The following MSRA variants were observed in gnomAD, a reference collection of about 807,000 sequenced individuals.
MSRA encodes the protein methionine sulfoxide reductase A.
Under a neutral mutation model 31.3 loss-of-function variants are expected in MSRA, and 54 were observed. That is an observed-to-expected ratio of 1.73 (90% CI 1.39 to 2.17). MSRA has a LOEUF of 2.17. MSRA is among the 30% of genes most tolerant of loss of function. The pLI is 0.00. For missense variants in MSRA, 507 were observed against 300.9 expected (o/e 1.69, Z -5.07); for synonymous variants, 169 against 116.5 (o/e 1.45, Z -2.90).
chr8:10,342,362 G>A (rs148895260), intron 5 of MSRA, among the ~76,000 whole-genome samples: 4 of 152,250 alleles, frequency 2.6e-5, no homozygotes, highest in African/African-American at 4.8e-5. Context: ...ATCAGCCATC[G>A]AGTGTTGATG....
intron 5 of MSRA, among the ~76,000 whole-genome samples, chr8:10,416,239 C>T (rs1808451498): frequency 6.6e-6 from 1 of 152,244 alleles, no homozygotes; most frequent in Admixed American, 6.5e-5. Flanking sequence ...GTCCTTGACA[C>T]ACAGCCAGTG....
intron 5 of MSRA, among the ~76,000 whole-genome samples, chr8:10,340,822 C>G (rs1296819563): frequency 6.6e-6 from 1 of 152,260 alleles, no homozygotes; most frequent in African/African-American, 2.4e-5. Flanking sequence ...AAGGCATCAG[C>G]AAAGAGCATC....
At chr8:10,258,651 C>A (rs969804657) in intron 3 of MSRA, among the ~76,000 whole-genome samples, 1 of 152,188 alleles carries the variant, frequency 6.6e-6, no homozygotes, top group African/African-American at 2.4e-5. Context: ...TGGAGAATAT[C>A]ATGAGAAAAG....
Position 10,226,358 on chromosome 8 carries a change from C to T in MSRA, c.211+18457C>T, listed in dbSNP as rs370702023. The stretch of plus-strand genomic sequence containing the variant: ...GATGTTTTACTGCTTGTCAAGAATG[C>T]TAAGAAGAGGGTCCCCTTGTGGCTG... On this transcript the variant is annotated intron_variant, in intron 2 of 5. Transcript: ENST00000317173. 1.5e-3 allele frequency among the ~76,000 whole-genome samples: 229 copies of T among 152,338 alleles called. 1 individual carries two copies. Among genetic ancestry groups the T allele is most frequent in the African/African-American group, 5.1e-3 (213 of 41,576 alleles).
intron 5 of MSRA, among the ~76,000 whole-genome samples, chr8:10,393,048 C>T (rs575726672): frequency 8.2e-6 from 1 of 121,328 alleles, no homozygotes; most frequent in Non-Finnish European, 1.6e-5. Flanking sequence ...GACGACTGAG[C>T]GAGACTCCGT....
chr8:10,267,173 A>G (rs1427943250), intron 3 of MSRA, among the ~76,000 whole-genome samples: 1 of 152,198 alleles, frequency 6.6e-6, no homozygotes, highest in Non-Finnish European at 1.5e-5. Context: ...CGGTTGTAGT[A>G]ATTATGGTAC....
At chr8:10,147,170 G>A (rs1372062048) in intron 1 of MSRA, among the ~76,000 whole-genome samples, 2 of 152,218 alleles carry the variant, frequency 1.3e-5, no homozygotes, top group Non-Finnish European at 2.9e-5. Context: ...GAGAGGGTCT[G>A]ACGGGTCCTC....
At chr8:10,279,035 T>G (rs563645114) in intron 3 of MSRA, among the ~76,000 whole-genome samples, 1 of 152,300 alleles carries the variant, frequency 6.6e-6, no homozygotes, top group South Asian at 2.1e-4. Context: ...TTTACAAAGG[T>G]CATTTAGGTC....
intron 5 of MSRA, among the ~76,000 whole-genome samples, chr8:10,382,119 C>T (rs571551589): frequency 9.2e-5 from 14 of 152,324 alleles, no homozygotes; most frequent in African/African-American, 1.4e-4. Context: ...CCCCAGTGAC[C>T]GCTGGACTGG....
At chr8:10,182,385 A>G (rs1401071873) in intron 1 of MSRA, among the ~76,000 whole-genome samples, 1 of 152,080 alleles carries the variant, frequency 6.6e-6, no homozygotes, top group Non-Finnish European at 1.5e-5. Flanking sequence ...TTCTCTCACA[A>G]TTTCTGTGGG....
At chr8:10,068,053 T>C (rs1797552050) in intron 1 of MSRA, among the ~76,000 whole-genome samples, 1 of 151,934 alleles carries the variant, frequency 6.6e-6, no homozygotes, top group Non-Finnish European at 1.5e-5. Flanking sequence ...CTGACTGATT[T>C]TTGGATTTTT....
Position 10,093,136 on chromosome 8 carries a change from C to T in MSRA, c.142+38478C>T, listed in dbSNP as rs897261570. Among the ~76,000 whole-genome samples the T allele has an allele frequency of 6.6e-5, 10 of 152,000 alleles. No individual in the cohort carries two copies. In the South Asian group the frequency reaches 1.7e-3, roughly 25 times the overall value. The stretch of plus-strand genomic sequence containing the variant: ...TGAATTTTGTTTTAAAATTTTAATC[C>T]GTTCTGCCAATCTATGTCTTTTAAT... On this transcript the variant is annotated intron_variant, in intron 1 of 5. Transcript: ENST00000317173.
rs568875682 is a variant in MSRA, at chr8:10,235,688, C to G, written c.212-9416C>G. Among the ~76,000 whole-genome samples the G allele has an allele frequency of 2.6e-5, 4 of 152,202 alleles. No homozygotes were observed. The South Asian group carries it at 8.3e-4, about 32-fold the overall frequency. On this transcript the variant is annotated intron_variant, in intron 2 of 5. Coordinates refer to ENST00000317173, the MANE Select transcript of MSRA (RefSeq NM_012331.5). ...AAAGCATCCCCTAATGATTCTCTTCCTTCTCTCCAAAGTCCAGGTGCTTCA... is the reference window on the plus strand; with the variant it reads ...AAAGCATCCCCTAATGATTCTCTTCGTTCTCTCCAAAGTCCAGGTGCTTCA...
At chr8:10,241,350 G>T (rs1812394925) in intron 2 of MSRA, among the ~76,000 whole-genome samples, 2 of 152,042 alleles carry the variant, frequency 1.3e-5, no homozygotes, top group African/African-American at 2.4e-5. Context: ...ATTTGAAGAG[G>T]GTCTCACTGG....
intron 2 of MSRA, among the ~76,000 whole-genome samples, chr8:10,229,896 C>T (rs1375050776): frequency 2.0e-5 from 3 of 152,146 alleles, no homozygotes; most frequent in Non-Finnish European, 4.4e-5. Flanking sequence ...TCTGCATTCC[C>T]CGTCCTCCCC....
chr8:10,228,655 T>A (rs1031090744), intron 2 of MSRA, among the ~76,000 whole-genome samples: 2 of 152,168 alleles, frequency 1.3e-5, no homozygotes, highest in African/African-American at 4.8e-5. Flanking sequence ...GGACGTCGGC[T>A]TTGAATTCCA....
intron 1 of MSRA, among the ~76,000 whole-genome samples, chr8:10,086,507 C>T (rs1798564429): frequency 6.6e-6 from 1 of 152,002 alleles, no homozygotes; most frequent in Non-Finnish European, 1.5e-5. Context: ...ATTTTTCTAC[C>T]CTATATATGA....
rs190712103 is a variant in MSRA, at chr8:10,080,012, A to G, written c.142+25354A>G. Among the ~76,000 whole-genome samples the G allele has an allele frequency of 1.6e-3, 243 of 152,298 alleles. 2 individuals are homozygous for G. The highest frequency in any genetic ancestry group is 6.8e-3 in the Middle Eastern group (2 of 294). On this transcript the variant is annotated intron_variant, in intron 1 of 5. Transcript: ENST00000317173. The stretch of plus-strand genomic sequence containing the variant: ...CTTAGCACTTTCTCTCTTCCCGTCA[A>G]AATTAATCTCCTTTCCTCAGAAGCT...
chr8:10,082,147 G>C (rs1279059904), intron 1 of MSRA, among the ~76,000 whole-genome samples: 1 of 152,130 alleles, frequency 6.6e-6, no homozygotes. Context: ...TCAAGACTGA[G>C]TGAGCTGTGA....
Sources: gnomAD v4.1 joint callset for allele counts (sites outside exome capture counted in the v4.1 genomes callset) on GRCh38, gnomAD v4.1.1 for gene constraint, MANE v1.5 for transcripts, NCBI Gene and HGNC (gene_info 2026-07-23, HGNC 2026-07-21) for gene names.